NDST4: variants seen among roughly 807,000 people sequenced by gnomAD.
NDST4 encodes N-deacetylase and N-sulfotransferase 4.
NDST4 carries 63 observed loss-of-function variants against 100.8 expected under a neutral mutation model. The observed-to-expected ratio is 0.62, with a 90% confidence interval of 0.51 to 0.77. The LOEUF (loss-of-function observed/expected upper bound fraction) is 0.77, where lower values mean the gene tolerates loss of function less well. NDST4 is among the 30% of genes least tolerant of loss of function. The pLI, the probability that NDST4 is intolerant of heterozygous loss-of-function variation, is 0.00. For synonymous variants in NDST4, 377 were observed against 361.8 expected (o/e 1.04, Z -0.48); for missense variants, 943 against 1,018.4 (o/e 0.93, Z 1.01).
rs564752897 is a variant in NDST4, at chr4:115,107,945, T to C, written c.-247+5499A>G. 2.0e-5 allele frequency among the ~76,000 whole-genome samples: 3 copies of C among 152,176 alleles called. No homozygotes were observed. The South Asian group carries it at 6.2e-4, about 32-fold the overall frequency. On this transcript the variant is annotated intron_variant, in intron 1 of 13. Coordinates refer to ENST00000264363, the MANE Select transcript of NDST4 (RefSeq NM_022569.3). ...TTCTATGGATATCAAGAAAATGTCC[T>C]GTTTCAAGGAAAGAAACTTCAAAAA...
intron 3 of NDST4, among the ~76,000 whole-genome samples, chr4:114,971,164 G>A (rs1008893417): frequency 6.6e-6 from 1 of 151,874 alleles, no homozygotes; most frequent in Non-Finnish European, 1.5e-5. Flanking sequence ...AGCTCTTGCT[G>A]TACTAATATT....
chr4:114,964,670 G>T (rs1291627066), intron 4 of NDST4, among the ~76,000 whole-genome samples: 1 of 152,000 alleles, frequency 6.6e-6, no homozygotes. Flanking sequence ...ATTATTATTG[G>T]CTGTAAACAC....
At chr4:115,100,649 T>C (rs1481631318) in intron 1 of NDST4, among the ~76,000 whole-genome samples, 1 of 152,106 alleles carries the variant, frequency 6.6e-6, no homozygotes, top group African/African-American at 2.4e-5. Flanking sequence ...TTCACGTATA[T>C]TTCCTTAATA....
chr4:115,057,218 T>C (rs1192976271), intron 2 of NDST4, among the ~76,000 whole-genome samples: 1 of 152,116 alleles, frequency 6.6e-6, no homozygotes, highest in African/African-American at 2.4e-5. Flanking sequence ...CCTGTAGAAG[T>C]GCAAAGACTG....
At chr4:114,945,031 GA>G (rs1725830366) in intron 4 of NDST4, among the ~76,000 whole-genome samples, 1 of 151,930 alleles carries the variant, frequency 6.6e-6, no homozygotes, top group Non-Finnish European at 1.5e-5. Flanking sequence ...CCGACATGGA[GA>G]AACCCTGTCT....
At chr4:114,920,305 G>C (rs187989032) in intron 6 of NDST4, among the ~76,000 whole-genome samples, 1 of 152,212 alleles carries the variant, frequency 6.6e-6, no homozygotes, top group Admixed American at 6.5e-5. Context: ...CATGTAGGAA[G>C]CTCTGTCTAT....
At chr4:115,095,885 T>A (rs1195917084) in intron 1 of NDST4, among the ~76,000 whole-genome samples, 2 of 152,082 alleles carry the variant, frequency 1.3e-5, no homozygotes, top group African/African-American at 4.8e-5. Context: ...ATATTTCATA[T>A]ATTGTGCTAT....
chr4:114,918,420 A>T (rs1725219578), intron 6 of NDST4, among the ~76,000 whole-genome samples: 1 of 148,920 alleles, frequency 6.7e-6, no homozygotes, highest in Non-Finnish European at 1.5e-5. Context: ...GAGGGATAGC[A>T]TTGGGAGATA....
chr4:114,969,930 G>T (rs1285402053), intron 4 of NDST4, among the ~76,000 whole-genome samples: 1 of 152,148 alleles, frequency 6.6e-6, no homozygotes, highest in Non-Finnish European at 1.5e-5. Flanking sequence ...ATTTCCACCA[G>T]CAGTGTGTAA....
intron 2 of NDST4, among the ~76,000 whole-genome samples, chr4:115,011,702 T>C (rs1182606637): frequency 6.6e-6 from 1 of 151,910 alleles, no homozygotes; most frequent in Non-Finnish European, 1.5e-5. Context: ...AAAGTTTTTA[T>C]CTCTGTGAAA....
chr4:114,955,912 C>G (rs1345698883), intron 4 of NDST4: 1 of 152,104 alleles, frequency 6.6e-6, no homozygotes, highest in Non-Finnish European at 1.5e-5. Flanking sequence ...AGTGTCAAGT[C>G]TAGGCTTATG....
intron 1 of NDST4, among the ~76,000 whole-genome samples, chr4:115,094,295 C>T (rs986179283): frequency 3.9e-5 from 6 of 152,040 alleles, no homozygotes; most frequent in African/African-American, 1.4e-4. Context: ...AACCTCCAGT[C>T]ACTGATGTCA....
rs1317148966 is a variant in NDST4 at position 114,961,937 on chromosome 4, CA to C, written c.1221+8492del. Among the ~76,000 whole-genome samples the C allele has an allele frequency of 2.6e-5, 4 of 151,986 alleles. No individual in the cohort carries two copies. The East Asian group carries it at 7.7e-4, about 29-fold the overall frequency. On this transcript the variant is annotated intron_variant, in intron 4 of 13. Transcript: ENST00000264363. ...CTATTAATAGAGTTTAAAAAATACC[CA>C]AAAAGGCACTAGCAATCAAACTCAA...
intron 2 of NDST4, among the ~76,000 whole-genome samples, chr4:115,021,541 TA>T (rs1727823343): frequency 1.2e-5 from 1 of 80,640 alleles, no homozygotes; most frequent in Non-Finnish European, 2.5e-5. Context: ...ACGTTCCACA[TA>T]TACACATTCC....
chr4:115,004,845 T>G (rs1028124436), intron 2 of NDST4, among the ~76,000 whole-genome samples: 5 of 152,192 alleles, frequency 3.3e-5, no homozygotes, highest in Non-Finnish European at 7.3e-5. Context: ...GAAAATAGTT[T>G]AGCTTTTTCT....
At chr4:114,879,146 C>T (rs1157740798) in intron 6 of NDST4, among the ~76,000 whole-genome samples, 1 of 152,048 alleles carries the variant, frequency 6.6e-6, no homozygotes, top group Non-Finnish European at 1.5e-5. Context: ...TATCCATTAC[C>T]TCAAATATTT....
intron 2 of NDST4, among the ~76,000 whole-genome samples, chr4:115,043,566 C>T (rs1728399174): frequency 6.6e-6 from 1 of 151,940 alleles, no homozygotes; most frequent in African/African-American, 2.4e-5. Flanking sequence ...AAGATAAGAA[C>T]ATAGGTTTTT....
chr4:114,942,938 A>G (rs1406960705), intron 4 of NDST4, among the ~76,000 whole-genome samples: 2 of 150,258 alleles, frequency 1.3e-5, no homozygotes, highest in Non-Finnish European at 3.0e-5. Flanking sequence ...GAATTCTTGA[A>G]TCAATTTGTT....
At chr4:114,889,478 A>G (rs1444559864) in intron 6 of NDST4, among the ~76,000 whole-genome samples, 1 of 152,232 alleles carries the variant, frequency 6.6e-6, no homozygotes, top group African/African-American at 2.4e-5. Flanking sequence ...TGTGCTGAAC[A>G]TGAACACTTT....
Sources: allele counts gnomAD v4.1 joint callset (sites outside exome capture counted in the v4.1 genomes callset), GRCh38; gene constraint gnomAD v4.1.1; transcripts MANE v1.5; gene names NCBI Gene and HGNC (gene_info 2026-07-23, HGNC 2026-07-21).